DACH2: variants seen among roughly 807,000 people sequenced by gnomAD.
The protein encoded by DACH2 is dachshund homolog 2.
DACH2 carries 17 observed loss-of-function variants against 35.8 expected under a neutral mutation model. The observed-to-expected ratio is 0.48, with a 90% confidence interval of 0.33 to 0.71. DACH2 has a LOEUF of 0.71. Among genes scored for constraint, DACH2 ranks in the 30% least tolerant of loss-of-function variants. The pLI is 0.02. For missense variants in DACH2, 469 were observed against 472.7 expected (o/e 0.99, Z 0.07); for synonymous variants, 195 against 177.3 (o/e 1.10, Z -0.79).
intron 1 of DACH2, among the ~76,000 whole-genome samples, chrX:86,249,229 T>A (rs987741619): frequency 2.7e-5 from 3 of 111,369 alleles, no homozygotes; most frequent in Non-Finnish European, 5.7e-5. Flanking sequence ...AAGGAGCTTT[T>A]GCAAATCAAA....
chrX:86,733,339 T>G (rs2041553756), intron 6 of DACH2, among the ~76,000 whole-genome samples: 1 of 111,912 alleles, frequency 8.9e-6, no homozygotes, highest in Non-Finnish European at 1.9e-5. Flanking sequence ...TTGTTGTTTT[T>G]TGTCAGTAGA....
At chrX:86,209,806 GCC>G (rs1482425591) in intron 1 of DACH2, among the ~76,000 whole-genome samples, 2 of 110,783 alleles carry the variant, frequency 1.8e-5, no homozygotes, top group Non-Finnish European at 3.8e-5. Flanking sequence ...TCAAACTTTG[GCC>G]TCTGAGAGCA....
intron 1 of DACH2, among the ~76,000 whole-genome samples, chrX:86,155,524 C>T (rs756838463): frequency 9.0e-6 from 1 of 110,683 alleles, no homozygotes; most frequent in South Asian, 3.7e-4. Flanking sequence ...TCATAACTAC[C>T]GTACTTCATT....
At chrX:86,827,914 G>A (rs777288924) in intron 11 of DACH2, 1 of 707,649 alleles carries the variant, frequency 1.4e-6, no homozygotes, top group Non-Finnish European at 2.1e-6. Flanking sequence ...GTTCATTACT[G>A]ATAAATAGAA....
intron 1 of DACH2, among the ~76,000 whole-genome samples, chrX:86,178,144 C>T (rs1369279306): frequency 3.6e-5 from 4 of 111,499 alleles, no homozygotes; most frequent in East Asian, 2.8e-4. Flanking sequence ...AAACTGTTAT[C>T]AGAAAATGTG....
At chrX:86,304,844 C>A (rs7059149) in intron 1 of DACH2, 27,426 of 138,704 alleles carry the variant, frequency 0.2, 3,138 homozygotes, top group African/African-American at 0.43. Flanking sequence ...GTAGCAGCAG[C>A]AGCTGGATGC....
chrX:86,582,623 A>G (rs1398119395), intron 3 of DACH2, among the ~76,000 whole-genome samples: 2 of 110,511 alleles, frequency 1.8e-5, no homozygotes, highest in Non-Finnish European at 1.9e-5. Flanking sequence ...TTAAATGAAT[A>G]TATTCCTGGA....
intron 2 of DACH2, among the ~76,000 whole-genome samples, chrX:86,391,986 T>A (rs1284702029): frequency 1.8e-5 from 2 of 111,555 alleles, no homozygotes; most frequent in Non-Finnish European, 3.8e-5. Context: ...AATTTTTTTT[T>A]ATTATACATT....
At chrX:86,394,013 G>A (rs376307725) in intron 2 of DACH2, among the ~76,000 whole-genome samples, 4 of 106,565 alleles carry the variant, frequency 3.8e-5, no homozygotes, top group African/African-American at 1.4e-4. Flanking sequence ...TCTGCATTTT[G>A]AAATTATACC....
At chrX:86,672,608 A>G (rs2040777158) in intron 4 of DACH2, among the ~76,000 whole-genome samples, 1 of 112,014 alleles carries the variant, frequency 8.9e-6, no homozygotes, top group Non-Finnish European at 1.9e-5. Context: ...CAGCTTTGAC[A>G]TTGTGTTAAG....
Position 86,551,945 on chromosome X carries a change from G to A in DACH2, c.640+37554G>A, listed in dbSNP as rs1397079907. 3.6e-5 allele frequency among the ~76,000 whole-genome samples: 4 copies of A among 111,261 alleles called. No individual in the cohort carries two copies. The East Asian group carries it at 1.1e-3, about 32-fold the overall frequency. Reference sequence around the variant, plus strand: ...GAGAATCTCATGTTTTATACCTAGGGTGATTTATTTTCCTGAGATATTTTT... The same window carrying A: ...GAGAATCTCATGTTTTATACCTAGGATGATTTATTTTCCTGAGATATTTTT... On this transcript the variant is annotated intron_variant, in intron 3 of 11. Coordinates refer to ENST00000373125, the MANE Select transcript of DACH2 (RefSeq NM_053281.3).
chrX:86,467,888 T>A (rs1022382091), intron 2 of DACH2, among the ~76,000 whole-genome samples: 1 of 111,315 alleles, frequency 9.0e-6, no homozygotes, highest in Admixed American at 9.6e-5. Context: ...TGGAACTCAC[T>A]CACTGTCATG....
Position 86,832,463 on chromosome X carries a change from A to T in DACH2, c.*308A>T, listed in dbSNP as rs921138785. ...TTGGCTTTTTGTCTTTTAAATTTTT[A>T]AAAAATGCAGTAGTGTGTTAGAGAC... On this transcript the variant is annotated 3_prime_UTR_variant, in exon 12 of 12. Coordinates refer to ENST00000373125, the MANE Select transcript of DACH2 (RefSeq NM_053281.3). 2 of 240,164 alleles carry T rather than the reference A, an allele frequency of 8.3e-6. No individual in the cohort carries two copies. The highest frequency in any genetic ancestry group is 1.5e-5 in the Non-Finnish European group (2 of 137,901). 19.8% of individuals were successfully genotyped at this position (240,164 alleles called of 1,213,427 possible). A position where few individuals can be genotyped will look rare whatever the true frequency, so the allele number is the denominator to read the frequency against.
At chrX:86,552,984 G>A (rs2039070626) in intron 3 of DACH2, among the ~76,000 whole-genome samples, 1 of 111,140 alleles carries the variant, frequency 9.0e-6, no homozygotes, top group African/African-American at 3.3e-5. Flanking sequence ...ATTTCAAAGT[G>A]TACTAGTCAG....
In DACH2 at chrX:86,607,786, T is replaced by C. The variant is rs1297774951; in HGVS notation, c.641-43250T>C. Among the ~76,000 whole-genome samples the C allele has an allele frequency of 4.4e-5, 4 of 90,427 alleles. No individual in the cohort carries two copies. The Admixed American group carries it at 5.4e-4, about 12-fold the overall frequency. The allele number at this position is 90,427 out of a possible 115,157, so 78.5% of individuals were successfully genotyped here. A position where few individuals can be genotyped will look rare whatever the true frequency, so the allele number is the denominator to read the frequency against. On this transcript the variant is annotated intron_variant, in intron 3 of 11. Coordinates refer to ENST00000373125, the MANE Select transcript of DACH2 (RefSeq NM_053281.3). ...CAGTCCCCAGAGTGTGATGTTCCCC[T>C]TCCTGTGTCCATGTGTTCTCATTGT... is the stretch of plus-strand genomic sequence containing the variant.
chrX:86,296,338 G>A (rs1185180141), intron 1 of DACH2, among the ~76,000 whole-genome samples: 8 of 93,568 alleles, frequency 8.5e-5, no homozygotes, highest in Non-Finnish European at 1.0e-4. Context: ...CCGAGATTGC[G>A]CCACTGCACT....
intron 3 of DACH2, among the ~76,000 whole-genome samples, chrX:86,605,840 G>A (rs1336225291): frequency 9.2e-6 from 1 of 108,402 alleles, no homozygotes; most frequent in African/African-American, 3.3e-5. Context: ...TGTTTGTATT[G>A]AGTCTGTTGA....
At chrX:86,510,388 G>A (rs1215568451) in intron 2 of DACH2, among the ~76,000 whole-genome samples, 1 of 112,033 alleles carries the variant, frequency 8.9e-6, no homozygotes, top group Non-Finnish European at 1.9e-5. Flanking sequence ...TTAGGGAATT[G>A]CCAACTCTAC....
intron 6 of DACH2, among the ~76,000 whole-genome samples, chrX:86,716,475 C>T (rs754836304): frequency 9.0e-6 from 1 of 111,547 alleles, no homozygotes; most frequent in South Asian, 3.8e-4. Flanking sequence ...AGAGGAAGAT[C>T]ACTTGAAACC....
Sources: gnomAD v4.1 joint callset for allele counts (sites outside exome capture counted in the v4.1 genomes callset) on GRCh38, gnomAD v4.1.1 for gene constraint, MANE v1.5 for transcripts, NCBI Gene and HGNC (gene_info 2026-07-23, HGNC 2026-07-21) for gene names.